The following AMPH variants were observed in gnomAD, a reference collection of about 807,000 sequenced individuals.
AMPH encodes amphiphysin.
A neutral mutation model predicts 99.1 loss-of-function variants in AMPH; 49 were observed. The ratio of observed to expected loss-of-function variants is 0.49; its 90% CI spans 0.39 to 0.63. AMPH has a LOEUF of 0.63. AMPH is among the 20% of genes least tolerant of loss of function. AMPH has a pLI of 0.00. For missense variants in AMPH, 759 were observed against 863.4 expected, an observed-to-expected ratio of 0.88 and a Z score of 1.52; for synonymous variants, 314 against 317.3, an observed-to-expected ratio of 0.99 and a Z score of 0.11.
intron 14 of AMPH, chr7:38,427,971 G>T (rs1260687204): frequency 4.4e-6 from 2 of 456,568 alleles, no homozygotes; most frequent in African/African-American, 4.0e-5. Context: ...AGCATTCCAG[G>T]AGGTCCCCAA....
intron 1 of AMPH, among the ~76,000 whole-genome samples, chr7:38,542,938 A>G (rs1361191624): frequency 1.3e-5 from 2 of 152,024 alleles, no homozygotes; most frequent in Non-Finnish European, 2.9e-5. Flanking sequence ...TACTAAAAAT[A>G]CAAAAATTAG....
chr7:38,599,512 A>G (rs1343352455), intron 1 of AMPH, among the ~76,000 whole-genome samples: 1 of 152,228 alleles, frequency 6.6e-6, no homozygotes, highest in Non-Finnish European at 1.5e-5. Flanking sequence ...AATATATGCT[A>G]ATCAACTGTT....
intron 1 of AMPH, among the ~76,000 whole-genome samples, chr7:38,548,553 A>G (rs901424496): frequency 2.6e-5 from 4 of 152,122 alleles, no homozygotes; most frequent in African/African-American, 9.7e-5. Flanking sequence ...GGTAATATCC[A>G]AGGTTCATTG....
chr7:38,531,930 A>T (rs1562810909), intron 2 of AMPH, among the ~76,000 whole-genome samples: 1 of 152,054 alleles, frequency 6.6e-6, no homozygotes, highest in Non-Finnish European at 1.5e-5. Flanking sequence ...CCATCACATT[A>T]ATACTAAGAA....
At chr7:38,542,396 C>T (rs954289825) in intron 1 of AMPH, among the ~76,000 whole-genome samples, 1 of 152,192 alleles carries the variant, frequency 6.6e-6, no homozygotes, top group African/African-American at 2.4e-5. Flanking sequence ...GAATCTCCAA[C>T]CTCTTTAGAT....
chr7:38,554,634 T>G (rs1791300056), intron 1 of AMPH, among the ~76,000 whole-genome samples: 1 of 152,212 alleles, frequency 6.6e-6, no homozygotes, highest in Non-Finnish European at 1.5e-5. Flanking sequence ...ACTTCTTAAA[T>G]TATGAGTGGG....
chr7:38,482,542 T>C (rs887605327), intron 5 of AMPH, among the ~76,000 whole-genome samples: 2 of 152,172 alleles, frequency 1.3e-5, no homozygotes, highest in African/African-American at 4.8e-5. Flanking sequence ...CTGTATGTGC[T>C]TGTATTCTGA....
intron 17 of AMPH, among the ~76,000 whole-genome samples, chr7:38,406,456 A>C (rs1253113631): frequency 6.6e-6 from 1 of 152,222 alleles, no homozygotes; most frequent in African/African-American, 2.4e-5. Context: ...GATAAATAAA[A>C]TTTATAGACT....
chr7:38,611,336 A>C (rs1793672304), intron 1 of AMPH, among the ~76,000 whole-genome samples: 1 of 152,226 alleles, frequency 6.6e-6, no homozygotes, highest in Non-Finnish European at 1.5e-5. Flanking sequence ...CTAATCAATG[A>C]GCATAAAGTT....
chr7:38,428,471 A>G (rs1785868338), intron 14 of AMPH: 2 of 456,644 alleles, frequency 4.4e-6, no homozygotes, highest in African/African-American at 4.0e-5. Flanking sequence ...TTGATAAAAC[A>G]GCCTGATTTT....
At chr7:38,560,865 T>A (rs1791529669) in intron 1 of AMPH, among the ~76,000 whole-genome samples, 1 of 152,228 alleles carries the variant, frequency 6.6e-6, no homozygotes, top group African/African-American at 2.4e-5. Flanking sequence ...GGGGTGAGGC[T>A]GAAGTCTGGC....
intron 13 of AMPH, among the ~76,000 whole-genome samples, chr7:38,431,810 T>G (rs777826073): frequency 1.3e-5 from 2 of 152,190 alleles, no homozygotes; most frequent in Non-Finnish European, 2.9e-5. Context: ...AATGGTACCA[T>G]GTGCCAAGTA....
At chr7:38,596,283 C>T (rs1458105714) in intron 1 of AMPH, among the ~76,000 whole-genome samples, 1 of 152,190 alleles carries the variant, frequency 6.6e-6, no homozygotes, top group East Asian at 1.9e-4. Flanking sequence ...GTAGAGTTTG[C>T]TTACAAGCAA....
intron 1 of AMPH, among the ~76,000 whole-genome samples, chr7:38,610,279 A>G (rs13236995): frequency 3.8e-4 from 13 of 33,866 alleles, no homozygotes; most frequent in African/African-American, 2.6e-3. Context: ...AAAGAAAGAA[A>G]GAAAGAAAGA....
intron 11 of AMPH, among the ~76,000 whole-genome samples, chr7:38,446,844 G>A (rs1786804747): frequency 6.6e-6 from 1 of 152,046 alleles, no homozygotes; most frequent in Admixed American, 6.5e-5. Flanking sequence ...TGGGAGATGG[G>A]TTAAACCTAC....
At chr7:38,411,113 C>A (rs1371536828) in intron 17 of AMPH, among the ~76,000 whole-genome samples, 1 of 152,210 alleles carries the variant, frequency 6.6e-6, no homozygotes, top group Non-Finnish European at 1.5e-5. Flanking sequence ...TCACTACTTT[C>A]TAGATGTGTG....
intron 1 of AMPH, among the ~76,000 whole-genome samples, chr7:38,566,079 C>T (rs577369499): frequency 3.3e-5 from 5 of 152,102 alleles, no homozygotes; most frequent in Non-Finnish European, 4.4e-5. Flanking sequence ...CTTTCCCTTA[C>T]TCTCTGTTTT....
At chr7:38,431,436 T>C (rs1786020439) in intron 13 of AMPH, among the ~76,000 whole-genome samples, 2 of 152,088 alleles carry the variant, frequency 1.3e-5, no homozygotes, top group Non-Finnish European at 2.9e-5. Flanking sequence ...GGCGGGCAGA[T>C]CACAAGGTCA....
intron 2 of AMPH, among the ~76,000 whole-genome samples, chr7:38,522,041 A>G (rs554055371): frequency 1.3e-5 from 2 of 152,334 alleles, no homozygotes; most frequent in Admixed American, 6.5e-5. Context: ...ACTGGTTACA[A>G]TGAGCTGCTT....
Sources: allele counts gnomAD v4.1 joint callset (sites outside exome capture counted in the v4.1 genomes callset), GRCh38; gene constraint gnomAD v4.1.1; transcripts MANE v1.5; gene names NCBI Gene and HGNC (gene_info 2026-07-23, HGNC 2026-07-21).